Variants in JAKMIP1 observed in about 807,000 individuals in gnomAD.
JAKMIP1 encodes the protein janus kinase and microtubule-interacting protein 1.
A neutral mutation model predicts 113.0 loss-of-function variants in JAKMIP1; 33 were observed. The observed-to-expected ratio is 0.29, with a 90% CI of 0.22 to 0.39. JAKMIP1 has a LOEUF of 0.39. Among genes scored for constraint, JAKMIP1 ranks in the 10% least tolerant of loss-of-function variants. The pLI is 1.00. For missense variants in JAKMIP1, 813 were observed against 1,080.5 expected, an observed-to-expected ratio of 0.75 and a Z score of 3.47; for synonymous variants, 480 against 459.9, an observed-to-expected ratio of 1.04 and a Z score of -0.56.
intron 19 of JAKMIP1, among the ~76,000 whole-genome samples, chr4:6,033,185 G>T (rs1712969253): frequency 6.6e-6 from 1 of 152,196 alleles, no homozygotes; most frequent in Admixed American, 6.5e-5. Flanking sequence ...GCCAATTTCA[G>T]CTGGGGCTGG....
At position 6,065,749 on chromosome 4, in the gene JAKMIP1, G is replaced by C. The variant is rs1717971951; in HGVS notation, c.1303-741C>G. Among the ~76,000 whole-genome samples the C allele has an allele frequency of 6.6e-6, 1 of 152,200 alleles. No individual in the cohort carries two copies. The highest frequency in any genetic ancestry group is 6.5e-5 in the Admixed American group (1 of 15,290). The stretch of plus-strand genomic sequence containing the variant: ...GTGACGGCCTCTGAGTTGCCCTGCT[G>C]GCACTTCTCCCACTCCAAATATCAT... On this transcript the variant is annotated intron_variant, in intron 8 of 20. Transcript: ENST00000409021. The surrounding 1 kb of genome is among the most constrained non-coding windows in gnomAD (Gnocchi z 5.1).
intron 1 of JAKMIP1, among the ~76,000 whole-genome samples, chr4:6,191,821 T>G (rs1727286085): frequency 6.6e-6 from 1 of 152,136 alleles, no homozygotes; most frequent in Non-Finnish European, 1.5e-5. Flanking sequence ...ATATACAAAA[T>G]AGCATTATTT....
rs1164647202 is a variant in JAKMIP1, at chr4:6,106,461, T to A, written c.130-494A>T. On this transcript the variant is annotated intron_variant, in intron 2 of 20. Coordinates refer to ENST00000409021, the MANE Select transcript of JAKMIP1 (RefSeq NM_001099433.2). The surrounding 1 kb of genome is among the most constrained non-coding windows in gnomAD (Gnocchi z 5.9). ...TCCCTAGCTGGGCTGGGGGCTCCAA[T>A]GCATCACCCACATTGCCACATGAAC... Among the ~76,000 whole-genome samples, 1 of 152,102 alleles carries A rather than the reference T, an allele frequency of 6.6e-6. No homozygotes were observed. The highest frequency in any genetic ancestry group is 2.4e-5 in the African/African-American group (1 of 41,418).
intron 18 of JAKMIP1, among the ~76,000 whole-genome samples, chr4:6,038,845 A>T (rs1228286427): frequency 6.6e-6 from 1 of 152,200 alleles, no homozygotes; most frequent in Non-Finnish European, 1.5e-5. Flanking sequence ...CTGCGTGGCC[A>T]GTTTCCAGAT....
intron 3 of JAKMIP1, among the ~76,000 whole-genome samples, chr4:6,104,792 C>T (rs1344608005): frequency 6.6e-6 from 1 of 152,212 alleles, no homozygotes; most frequent in East Asian, 1.9e-4. Context: ...CAGCCTCCCC[C>T]TTCACTCCAG....
intron 1 of JAKMIP1, among the ~76,000 whole-genome samples, chr4:6,125,496 G>T (rs1450588047): frequency 6.6e-6 from 1 of 152,066 alleles, no homozygotes; most frequent in Non-Finnish European, 1.5e-5. Flanking sequence ...ACACCTGAGA[G>T]TCCGTTATGT....
Position 6,156,127 on chromosome 4 carries a change from C to T in JAKMIP1, c.-147-43130G>A, listed in dbSNP as rs1286476711. Among the ~76,000 whole-genome samples, 1 of 152,186 alleles carries T rather than the reference C, an allele frequency of 6.6e-6. No homozygotes were observed. The highest frequency in any genetic ancestry group is 6.5e-5 in the Admixed American group (1 of 15,270). On this transcript the variant is annotated intron_variant, in intron 1 of 20. Coordinates refer to ENST00000409021, the MANE Select transcript of JAKMIP1 (RefSeq NM_001099433.2). This position sits in a 1 kb window ranked among gnomAD's most constrained non-coding sequence, Gnocchi z 5.0. The stretch of plus-strand genomic sequence containing the variant: ...CTGTTGGCATTTCTAAATACCTGAC[C>T]CATCTGTGTGTTTCTTGGGAGCAGA...
At chr4:6,126,351 C>CA (rs1368135941) in intron 1 of JAKMIP1, among the ~76,000 whole-genome samples, 1 of 149,818 alleles carries the variant, frequency 6.7e-6, no homozygotes, top group African/African-American at 2.5e-5. Flanking sequence ...CACACACACA[C>CA]CATGCAGAAA....
Position 6,050,039 on chromosome 4 carries a change from T to C in JAKMIP1, c.1909-167A>G, listed in dbSNP as rs1409683087. On this transcript the variant is annotated intron_variant, in intron 14 of 20. Transcript: ENST00000409021. The surrounding 1 kb of genome is among the most constrained non-coding windows in gnomAD (Gnocchi z 7.4). ...TCTGGGGAGTGAGGGAGAGAAGGCA[T>C]AACTGCTGCTCATTTGCTGAGTGTT... 6.6e-6 allele frequency among the ~76,000 whole-genome samples: 1 copy of C among 152,198 alleles called. No homozygotes were observed. The highest frequency in any genetic ancestry group is 1.9e-4 in the East Asian group (1 of 5,186).
At chr4:6,131,221 TA>T (rs893794367) in intron 1 of JAKMIP1, among the ~76,000 whole-genome samples, 6 of 124,276 alleles carry the variant, frequency 4.8e-5, no homozygotes, top group Non-Finnish European at 8.6e-5. Context: ...AACACATATA[TA>T]AAAAAAAGAA....
chr4:6,179,607 G>A lies in JAKMIP1; in HGVS notation c.-148+20646C>T, dbSNP rs2109038057. Among the ~76,000 whole-genome samples the A allele has an allele frequency of 6.6e-6, 1 of 152,326 alleles. No individual in the cohort carries two copies. Among genetic ancestry groups the A allele is most frequent in the Non-Finnish European group, 1.5e-5 (1 of 68,032 alleles). ...GACCCTGCTCATTGCACCAGGCAGA[G>A]AACAAGGGAAGGGAAGTGGCCCAGC... On this transcript the variant is annotated intron_variant, in intron 1 of 20. Transcript: ENST00000409021. This position sits in a 1 kb window ranked among gnomAD's most constrained non-coding sequence, Gnocchi z 4.5.
chr4:6,064,012 C>T lies in JAKMIP1; in HGVS notation c.1431+868G>A, dbSNP rs941510768. ...TGAGGGCCAGCTGCCCCGGCATATC[C>T]GCACCCCCTTCCCACTCTTGCTCTT... On this transcript the variant is annotated intron_variant, in intron 9 of 20. Transcript: ENST00000409021. The surrounding 1 kb of genome is among the most constrained non-coding windows in gnomAD (Gnocchi z 4.3). Among the ~76,000 whole-genome samples the T allele has an allele frequency of 2.6e-5, 4 of 152,328 alleles. No homozygotes were observed. The highest frequency in any genetic ancestry group is 2.9e-5 in the Non-Finnish European group (2 of 68,022).
At chr4:6,084,994 A>G in intron 4 of JAKMIP1, 29 bp from the exon 5 acceptor site, 1 of 1,518,086 alleles carries the variant, frequency 6.6e-7, no homozygotes, top group Admixed American at 2.1e-5. Flanking sequence ...AAAAAAAAAA[A>G]GTCAAGACGT....
At position 6,199,686 on chromosome 4, in the gene JAKMIP1, G is replaced by A. The variant is rs1382577425; in HGVS notation, c.-148+567C>T. Among the ~76,000 whole-genome samples, 1 of 151,590 alleles carries A rather than the reference G, an allele frequency of 6.6e-6. No individual in the cohort carries two copies. The highest frequency in any genetic ancestry group is 1.5e-5 in the Non-Finnish European group (1 of 67,866). On this transcript the variant is annotated intron_variant, in intron 1 of 20. Coordinates refer to ENST00000409021, the MANE Select transcript of JAKMIP1 (RefSeq NM_001099433.2). The surrounding 1 kb of genome is among the most constrained non-coding windows in gnomAD (Gnocchi z 5.6). ...GGCAGGGGCCGCGGCGGCGTGTGCCGTGCGTGGGGTGGGGTGCGGGCTGGG... is the reference window on the plus strand; with the variant it reads ...GGCAGGGGCCGCGGCGGCGTGTGCCATGCGTGGGGTGGGGTGCGGGCTGGG...
chr4:6,042,404 G>C lies in JAKMIP1; in HGVS notation c.2029-177C>G, dbSNP rs1311406399. 6.6e-6 allele frequency among the ~76,000 whole-genome samples: 1 copy of C among 152,150 alleles called. No homozygotes were observed. Among genetic ancestry groups the C allele is most frequent in the Non-Finnish European group, 1.5e-5 (1 of 68,024 alleles). ...GTGGATGGCGTGGTTGTGTGTGCATGGTCCAGCCTGCATGTGCAGGAGGTC... is the reference window on the plus strand; with the variant it reads ...GTGGATGGCGTGGTTGTGTGTGCATCGTCCAGCCTGCATGTGCAGGAGGTC... On this transcript the variant is annotated intron_variant, in intron 16 of 20. Coordinates refer to ENST00000409021, the MANE Select transcript of JAKMIP1 (RefSeq NM_001099433.2). This position sits in a 1 kb window ranked among gnomAD's most constrained non-coding sequence, Gnocchi z 5.2.
intron 19 of JAKMIP1, among the ~76,000 whole-genome samples, chr4:6,032,566 C>G (rs1035392596): frequency 6.6e-6 from 1 of 152,234 alleles, no homozygotes; most frequent in African/African-American, 2.4e-5. Context: ...CACTGAGCCC[C>G]TTCTGTGGGT....
chr4:6,092,595 CGTT>C (rs1456443463), intron 3 of JAKMIP1, among the ~76,000 whole-genome samples: 2 of 152,162 alleles, frequency 1.3e-5, no homozygotes, highest in African/African-American at 4.8e-5. Flanking sequence ...TACCCTTCGT[CGTT>C]ATTCTGTCAC....
At position 6,141,079 on chromosome 4, in the gene JAKMIP1, C is replaced by T. The variant is rs1040214005; in HGVS notation, c.-147-28082G>A. ...TGCCCAGCATTCACAGCGAAGAAGC[C>T]TCAGTCAGTCACTACCATCCTAATT... is the stretch of plus-strand genomic sequence containing the variant. On this transcript the variant is annotated intron_variant, in intron 1 of 20. Coordinates refer to ENST00000409021, the MANE Select transcript of JAKMIP1 (RefSeq NM_001099433.2). This position sits in a 1 kb window ranked among gnomAD's most constrained non-coding sequence, Gnocchi z 9.4. Among the ~76,000 whole-genome samples the T allele has an allele frequency of 3.3e-5, 5 of 152,352 alleles. No homozygotes were observed. The highest frequency in any genetic ancestry group is 3.4e-3 in the Middle Eastern group (1 of 294).
intron 20 of JAKMIP1, among the ~76,000 whole-genome samples, chr4:6,028,080 A>AGGCAGAGGGGTGAATTCCGTGG (rs1712096267): frequency 6.6e-6 from 1 of 152,212 alleles, no homozygotes; most frequent in Non-Finnish European, 1.5e-5. Context: ...CCAAGGCCTG[A>AGGCAGAGGGGTGAATTCCGTGG]GGCAGAGGGG....
Sources: gnomAD v4.1 joint callset for allele counts (sites outside exome capture counted in the v4.1 genomes callset) on GRCh38, gnomAD v4.1.1 for gene constraint, Gnocchi (gnomAD v3.1) non-coding constraint, MANE v1.5 for transcripts, NCBI Gene and HGNC (gene_info 2026-07-23, HGNC 2026-07-21) for gene names.